Variants in ATP6V0E1 observed in about 807,000 individuals in gnomAD.
The protein encoded by ATP6V0E1 is V-type proton ATPase subunit e 1.
ATP6V0E1 carries 4 observed loss-of-function variants against 11.6 expected under a neutral mutation model. That is an observed-to-expected ratio of 0.35 (90% confidence interval 0.17 to 0.79). The LOEUF is 0.79. ATP6V0E1 is among the 30% of genes least tolerant of loss of function. The pLI is 0.54. For missense variants in ATP6V0E1, 105 were observed against 100.0 expected (o/e 1.05, Z -0.21); for synonymous variants, 36 against 34.8 (o/e 1.04, Z -0.13).
chr5:173,024,413 T>G lies in ATP6V0E1; in HGVS notation c.*36+4046T>G, dbSNP rs566424074. On this transcript the variant is annotated intron_variant, in intron 3 of 3. Coordinates refer to ENST00000519374, the MANE Select transcript of ATP6V0E1 (RefSeq NM_003945.4). Reference sequence around the variant, plus strand: ...TGTTTTTTGTTGTTGTTGTTTTTTGTCTGTGAGAACCTGTTTAGGATGGCT... The same window carrying G: ...TGTTTTTTGTTGTTGTTGTTTTTTGGCTGTGAGAACCTGTTTAGGATGGCT... 2.0e-4 allele frequency among the ~76,000 whole-genome samples: 30 copies of G among 152,228 alleles called. No individual in the cohort carries two copies. In the East Asian group the frequency reaches 4.4e-3, roughly 23 times the overall value.
intron 3 of ATP6V0E1, among the ~76,000 whole-genome samples, chr5:173,031,045 T>C (rs1489446192): frequency 6.6e-6 from 1 of 151,560 alleles, no homozygotes; most frequent in Non-Finnish European, 1.5e-5. Flanking sequence ...CCCGGGTTCA[T>C]GCCATTCTCC....
At position 173,034,659 on chromosome 5, in the gene ATP6V0E1, A is replaced by C; in HGVS notation, c.*297A>C. On this transcript the variant is annotated 3_prime_UTR_variant, in exon 4 of 4. Transcript: ENST00000519374. ...ATGCTGTTCTTCTGAGAGATACGTT[A>C]CTCTCTCCTTGGAATCTGTGGATTT... The C allele has an allele frequency of 5.8e-6, 3 of 519,058 alleles. No homozygotes were observed. The highest frequency in any genetic ancestry group is 3.0e-5 in the East Asian group (1 of 32,890). The allele number at this position is 519,058 out of a possible 1,614,324, so 32.2% of individuals were successfully genotyped here. A position where few individuals can be genotyped will look rare whatever the true frequency, so the allele number is the denominator to read the frequency against.
At chr5:173,013,716 T>C (rs889759714) in intron 2 of ATP6V0E1, among the ~76,000 whole-genome samples, 5 of 151,632 alleles carry the variant, frequency 3.3e-5, no homozygotes, top group Non-Finnish European at 7.4e-5. Flanking sequence ...TATTGAGAAA[T>C]GGACAAAGGA....
chr5:173,024,612 A>G (rs1043675554), intron 3 of ATP6V0E1, among the ~76,000 whole-genome samples: 2 of 152,048 alleles, frequency 1.3e-5, no homozygotes, highest in Non-Finnish European at 2.9e-5. Flanking sequence ...TCTCAGGCCC[A>G]TTTGACTCTG....
intron 3 of ATP6V0E1, among the ~76,000 whole-genome samples, chr5:173,032,809 T>C (rs1756684177): frequency 6.6e-6 from 1 of 152,210 alleles, no homozygotes; most frequent in African/African-American, 2.4e-5. Context: ...TAAAATTTAT[T>C]TTATTGGCTG....
intron 2 of ATP6V0E1, among the ~76,000 whole-genome samples, chr5:172,996,213 T>C (rs866027779): frequency 7.2e-5 from 11 of 152,180 alleles, no homozygotes; most frequent in Non-Finnish European, 1.0e-4. Flanking sequence ...TTAAAATAGC[T>C]GTGATTTAAA....
chr5:173,002,896 T>C (rs1046146006), intron 2 of ATP6V0E1, among the ~76,000 whole-genome samples: 1 of 151,818 alleles, frequency 6.6e-6, no homozygotes, highest in East Asian at 1.9e-4. Context: ...GGTAAAGAGC[T>C]TGGGATAGCC....
chr5:173,026,418 A>G (rs1169949145), intron 3 of ATP6V0E1, among the ~76,000 whole-genome samples: 1 of 152,204 alleles, frequency 6.6e-6, no homozygotes, highest in Non-Finnish European at 1.5e-5. Context: ...TTTTTTGAAT[A>G]TATAAAACAT....
At chr5:173,024,508 CT>C (rs1756527658) in intron 3 of ATP6V0E1, among the ~76,000 whole-genome samples, 1 of 151,916 alleles carries the variant, frequency 6.6e-6, no homozygotes, top group East Asian at 1.9e-4. Flanking sequence ...GTCCAGGCCC[CT>C]CTTCTATATT....
rs770851676 is a variant in ATP6V0E1, at chr5:173,001,463, A to G, written c.152+6641A>G. 3.3e-5 allele frequency among the ~76,000 whole-genome samples: 5 copies of G among 151,896 alleles called. No individual in the cohort carries two copies. In the East Asian group the frequency reaches 5.8e-4, roughly 18 times the overall value. ...ACAGCCCACAGAAACTCCACCTCAC[A>G]TGTCTCGGAATTTGCAAATCCAGAG... On this transcript the variant is annotated intron_variant, in intron 2 of 3. Transcript: ENST00000519374.
chr5:173,011,683 A>G (rs942480402), intron 2 of ATP6V0E1, among the ~76,000 whole-genome samples: 10 of 152,184 alleles, frequency 6.6e-5, no homozygotes, highest in Non-Finnish European at 1.2e-4. Flanking sequence ...CTCTGAAGAC[A>G]TTATTGCACC....
At chr5:173,022,108 G>C (rs866030593) in intron 3 of ATP6V0E1, among the ~76,000 whole-genome samples, 10 of 152,374 alleles carry the variant, frequency 6.6e-5, no homozygotes, top group African/African-American at 2.4e-4. Context: ...TAGTGGTATA[G>C]TGGAAAGATT....
chr5:173,013,042 C>T (rs1341771114), intron 2 of ATP6V0E1, among the ~76,000 whole-genome samples: 1 of 152,040 alleles, frequency 6.6e-6, no homozygotes, highest in Admixed American at 6.6e-5. Context: ...AGCCTGGTGG[C>T]ACGTGCTTGT....
intron 2 of ATP6V0E1, among the ~76,000 whole-genome samples, chr5:172,996,958 T>TC (rs890929297): frequency 2.6e-5 from 4 of 151,496 alleles, no homozygotes; most frequent in Non-Finnish European, 4.4e-5. Flanking sequence ...TTTTCTTTTT[T>TC]TTTTTTTCAA....
intron 2 of ATP6V0E1, among the ~76,000 whole-genome samples, chr5:173,012,240 C>T (rs1756336764): frequency 6.6e-6 from 1 of 151,816 alleles, no homozygotes; most frequent in Admixed American, 6.6e-5. Context: ...CCATATTGGC[C>T]AGGCTGGTCT....
chr5:173,025,503 A>ATT (rs1207510568), intron 3 of ATP6V0E1, among the ~76,000 whole-genome samples: 1 of 98,786 alleles, frequency 1.0e-5, no homozygotes, highest in Non-Finnish European at 2.0e-5. Context: ...TATATAAAAT[A>ATT]CTTTTTTTTT....
At chr5:173,013,970 C>G (rs1756367405) in intron 2 of ATP6V0E1, among the ~76,000 whole-genome samples, 1 of 152,012 alleles carries the variant, frequency 6.6e-6, no homozygotes, top group South Asian at 2.1e-4. Context: ...CCTGGCCAAC[C>G]ATGTTCAACA....
intron 2 of ATP6V0E1, among the ~76,000 whole-genome samples, chr5:173,008,710 C>G (rs963518704): frequency 2.7e-5 from 4 of 148,234 alleles, no homozygotes; most frequent in Non-Finnish European, 4.5e-5. Context: ...GAGATCGAGA[C>G]CATCCTGGCT....
chr5:172,984,952 G>A (rs1446965421), intron 1 of ATP6V0E1, among the ~76,000 whole-genome samples: 1 of 152,108 alleles, frequency 6.6e-6, no homozygotes, highest in Non-Finnish European at 1.5e-5. Flanking sequence ...TTTATTAAAA[G>A]AAAAAGATTT....
Sources: gnomAD v4.1 joint callset for allele counts (sites outside exome capture counted in the v4.1 genomes callset) on GRCh38, gnomAD v4.1.1 for gene constraint, MANE v1.5 for transcripts, NCBI Gene and HGNC (gene_info 2026-07-23, HGNC 2026-07-21) for gene names.